PDZD2: variants seen among roughly 807,000 people sequenced by gnomAD.
PDZD2 encodes PDZ domain-containing protein 2.
Under a neutral mutation model 220.7 loss-of-function variants are expected in PDZD2, and 90 were observed. The observed-to-expected ratio is 0.41, with a 90% CI of 0.34 to 0.49. The LOEUF (loss-of-function observed/expected upper bound fraction) is 0.49, where lower values mean the gene tolerates loss of function less well. PDZD2 is among the 20% of genes least tolerant of loss of function. PDZD2 has a pLI of 0.28. For synonymous variants in PDZD2, 1,375 were observed against 1,450.5 expected (o/e 0.95, Z 1.18); for missense variants, 3,174 against 3,608.5 (o/e 0.88, Z 3.08).
Position 32,073,905 on chromosome 5 carries a change from C to T in PDZD2, c.2799C>T (p.Phe933=). The T allele has an allele frequency of 6.2e-7, 1 of 1,614,124 alleles. No homozygotes were observed. The highest frequency in any genetic ancestry group is 2.2e-5 in the East Asian group (1 of 44,874). The change falls in exon 18 of 25, where the codon TTC becomes TTT. Residue 933 remains phenylalanine, a synonymous_variant. Transcript: ENST00000438447. ...TLGSHRASGL[F]HKQVTVARQA... ...GGAGCCATCGGGCTTCTGGGCTCTT[C>T]CACAAGCAGGTGACAGTTGCCAGAC...
At chr5:31,707,173 G>A (rs1747866982) in intron 1 of PDZD2, among the ~76,000 whole-genome samples, 1 of 119,312 alleles carries the variant, frequency 8.4e-6, no homozygotes. Context: ...GGAGGGGGGA[G>A]GGATAGCATT....
Position 32,105,001 on chromosome 5 carries a change from G to A in PDZD2, c.8354-2968G>A, listed in dbSNP as rs376329097. Among the ~76,000 whole-genome samples, 40 of 151,934 alleles carry A rather than the reference G, an allele frequency of 2.6e-4. No individual in the cohort carries two copies. The South Asian group carries it at 3.1e-3, about 12-fold the overall frequency. On this transcript the variant is annotated intron_variant, in intron 24 of 24. Transcript: ENST00000438447. The stretch of plus-strand genomic sequence containing the variant: ...AATACAGAAATTACTCGGGTGTGGC[G>A]GCACGCACCTATAGTCCCAGCTACT...
At chr5:31,947,027 A>G (rs1352471539) in intron 2 of PDZD2, among the ~76,000 whole-genome samples, 1 of 152,174 alleles carries the variant, frequency 6.6e-6, no homozygotes, top group East Asian at 1.9e-4. Flanking sequence ...TGATCAGTCA[A>G]ATTTGGAAAC....
At chr5:31,900,341 C>G (rs1741962306) in intron 2 of PDZD2, among the ~76,000 whole-genome samples, 2 of 152,130 alleles carry the variant, frequency 1.3e-5, no homozygotes, top group Admixed American at 1.3e-4. Flanking sequence ...GACTGTTATC[C>G]TTACTATATA....
At chr5:32,082,313 C>T (rs943278225) in intron 19 of PDZD2, among the ~76,000 whole-genome samples, 5 of 152,102 alleles carry the variant, frequency 3.3e-5, no homozygotes, top group Non-Finnish European at 2.9e-5. Context: ...TAAGCCGCTG[C>T]GCCTAGCCAA....
At chr5:31,761,899 C>T (rs1266299988) in intron 1 of PDZD2, among the ~76,000 whole-genome samples, 1 of 151,708 alleles carries the variant, frequency 6.6e-6, no homozygotes, top group Non-Finnish European at 1.5e-5. Flanking sequence ...CTCACAGTTC[C>T]GTAGGCTGTA....
intron 2 of PDZD2, among the ~76,000 whole-genome samples, chr5:31,966,014 G>A (rs1297578987): frequency 1.3e-5 from 2 of 152,196 alleles, no homozygotes; most frequent in African/African-American, 4.8e-5. Flanking sequence ...ACCTGGTCAT[G>A]ATGAGCAGCA....
chr5:31,905,374 G>A (rs994575965), intron 2 of PDZD2, among the ~76,000 whole-genome samples: 1 of 152,158 alleles, frequency 6.6e-6, no homozygotes, highest in Admixed American at 6.5e-5. Flanking sequence ...AGGTGTTCTA[G>A]TTTAAGCTGA....
At chr5:31,840,446 A>ATATATATT (rs1561499439) in intron 2 of PDZD2, 7 of 69,100 alleles carry the variant, frequency 1.0e-4, no homozygotes, top group Admixed American at 4.3e-4. Context: ...ATATATATAT[A>ATATATATT]TATTTGTTTA....
At chr5:31,813,565 G>C (rs1755259816) in intron 2 of PDZD2, among the ~76,000 whole-genome samples, 1 of 151,664 alleles carries the variant, frequency 6.6e-6, no homozygotes, top group Non-Finnish European at 1.5e-5. Flanking sequence ...CAGGATTTTA[G>C]CAAACTGAAT....
intron 7 of PDZD2, among the ~76,000 whole-genome samples, chr5:32,039,110 CT>C (rs1378967467): frequency 1.3e-5 from 2 of 151,564 alleles, no homozygotes; most frequent in Non-Finnish European, 2.9e-5. Flanking sequence ...CCCTCTCCCC[CT>C]CTCCCTCTCT....
At chr5:32,014,659 GTTC>G (rs961594622) in intron 6 of PDZD2, among the ~76,000 whole-genome samples, 3 of 147,824 alleles carry the variant, frequency 2.0e-5, no homozygotes, top group African/African-American at 5.1e-5. Context: ...CTGATTGGCA[GTTC>G]TTCTCCGAAT....
At chr5:32,105,373 C>A (rs979872457) in intron 24 of PDZD2, among the ~76,000 whole-genome samples, 3 of 152,074 alleles carry the variant, frequency 2.0e-5, no homozygotes, top group African/African-American at 7.2e-5. Context: ...AATAAAAAAT[C>A]TCATACTATG....
intron 23 of PDZD2, 184 bp from the exon 24 acceptor site, chr5:32,100,921 A>C: frequency 6.3e-7 from 1 of 1,595,298 alleles, no homozygotes; most frequent in African/African-American, 1.3e-5. Context: ...CAGCCCCAGA[A>C]TTGGGAGGCC....
At position 32,010,701 on chromosome 5, in the gene PDZD2, A is replaced by G. The variant is rs992377227; in HGVS notation, c.1407+219A>G. On this transcript the variant is annotated intron_variant, in intron 6 of 24. Transcript: ENST00000438447. The stretch of plus-strand genomic sequence containing the variant: ...AAAAAAATGAAATGGTAAACAAGAT[A>G]AGCAACCCAGGGGGCTGGGCACAGT... The G allele has an allele frequency of 5.2e-6, 3 of 579,508 alleles. No individual in the cohort carries two copies. In the African/African-American group the frequency reaches 5.5e-5, roughly 11 times the overall value. The allele number at this position is 579,508 out of a possible 1,614,324, so 35.9% of individuals were successfully genotyped here.
intron 1 of PDZD2, among the ~76,000 whole-genome samples, chr5:31,678,475 G>A (rs1746530067): frequency 6.6e-6 from 1 of 151,794 alleles, no homozygotes; most frequent in Admixed American, 6.6e-5. Context: ...TGGAGCCTGG[G>A]GACAGTCAGT....
At chr5:31,704,727 T>G (rs183421028) in intron 1 of PDZD2, among the ~76,000 whole-genome samples, 1 of 152,326 alleles carries the variant, frequency 6.6e-6, no homozygotes, top group Non-Finnish European at 1.5e-5. Flanking sequence ...CCCTTTTACA[T>G]GCAGAACTCC....
At chr5:31,680,071 A>G (rs1266248882) in intron 1 of PDZD2, among the ~76,000 whole-genome samples, 1 of 152,242 alleles carries the variant, frequency 6.6e-6, no homozygotes, top group Non-Finnish European at 1.5e-5. Flanking sequence ...TTTTATATTT[A>G]TAATGCCTCG....
At chr5:32,071,533 G>A in intron 16 of PDZD2, 115 bp downstream of exon 16, 3 of 797,218 alleles carry the variant, frequency 3.8e-6, no homozygotes, top group Non-Finnish European at 6.6e-6. Flanking sequence ...AGTCATTTTT[G>A]CCACTTTATA....
Sources: gnomAD v4.1 joint callset for allele counts (sites outside exome capture counted in the v4.1 genomes callset) on GRCh38, gnomAD v4.1.1 for gene constraint, MANE v1.5 for transcripts, NCBI Gene and HGNC (gene_info 2026-07-23, HGNC 2026-07-21) for gene names.